LYPLAL1: variants seen among roughly 807,000 people sequenced by gnomAD.
The protein encoded by LYPLAL1 is lysophospholipase like 1.
In LYPLAL1, 23 loss-of-function variants were observed where a neutral mutation model predicts 19.7. The observed-to-expected ratio is 1.17, with a 90% CI of 0.84 to 1.65. The LOEUF is 1.65. Ranked by LOEUF, LYPLAL1 falls within the 40% of genes most tolerant of loss-of-function variation. The probability of loss-of-function intolerance (pLI) is 0.00; values close to 1 mark genes in which losing one functional copy is unlikely to be tolerated. For missense variants in LYPLAL1, 355 were observed against 279.4 expected (o/e 1.27, Z -1.93); for synonymous variants, 119 against 96.3 (o/e 1.24, Z -1.38).
At chr1:219,295,436 TAA>T in the LYPLAL1 span, among the ~76,000 whole-genome samples, 10 of 152,162 alleles carry the variant, frequency 6.6e-5, no homozygotes, top group East Asian at 1.9e-3. Flanking sequence ...CATGAATTAG[TAA>T]AGAGAGATAT....
rs554690082 is a variant in LYPLAL1, at chr1:219,212,320, T to C, written c.*592T>C. 1.1e-4 allele frequency: 17 copies of C among 152,196 alleles called. No individual in the cohort carries two copies. The highest frequency in any genetic ancestry group is 3.6e-4 in the African/African-American group (15 of 41,558). The allele number at this position is 152,196 out of a possible 1,614,324, so 9.4% of individuals were successfully genotyped here. Reference sequence around the variant, plus strand: ...ATTCTCAGTGGAGCTCTATTTCTGTTAACCCAAATTGCTGCTCTGTTTTAG... The same window carrying C: ...ATTCTCAGTGGAGCTCTATTTCTGTCAACCCAAATTGCTGCTCTGTTTTAG... On this transcript the variant is annotated 3_prime_UTR_variant, in exon 5 of 5. Coordinates refer to ENST00000366928, the MANE Select transcript of LYPLAL1 (RefSeq NM_138794.5).
chr1:219,308,700 G>A, the LYPLAL1 span, among the ~76,000 whole-genome samples: 3 of 152,174 alleles, frequency 2.0e-5, no homozygotes, highest in African/African-American at 7.2e-5. Context: ...CAGAAGTCAA[G>A]AATTGGGTTT....
the LYPLAL1 span, among the ~76,000 whole-genome samples, chr1:219,406,644 G>C: frequency 1.3e-5 from 2 of 152,130 alleles, no homozygotes; most frequent in East Asian, 3.8e-4. Flanking sequence ...AAAACAATTT[G>C]TGTTTGTTTG....
At chr1:219,425,181 C>T in the LYPLAL1 span, among the ~76,000 whole-genome samples, 25 of 152,222 alleles carry the variant, frequency 1.6e-4, no homozygotes, top group African/African-American at 6.0e-4. Context: ...GCAAGGGGCT[C>T]CTTTCAGGCC....
chr1:219,234,771 G>A, the LYPLAL1 span, among the ~76,000 whole-genome samples: 1 of 151,922 alleles, frequency 6.6e-6, no homozygotes, highest in Non-Finnish European at 1.5e-5. Context: ...TTGCTGACCT[G>A]GTATTTTTAT....
At chr1:219,259,334 A>T in the LYPLAL1 span, among the ~76,000 whole-genome samples, 3 of 151,098 alleles carry the variant, frequency 2.0e-5, no homozygotes, top group East Asian at 5.8e-4. Flanking sequence ...AGCACAATTC[A>T]CAATTGCAAA....
the LYPLAL1 span, among the ~76,000 whole-genome samples, chr1:219,366,781 A>C: frequency 6.6e-6 from 1 of 152,110 alleles, no homozygotes; most frequent in Non-Finnish European, 1.5e-5. Context: ...AAAGAAAAGG[A>C]TAACATATAC....
At chr1:219,293,643 G>A in the LYPLAL1 span, among the ~76,000 whole-genome samples, 2 of 152,198 alleles carry the variant, frequency 1.3e-5, no homozygotes, top group South Asian at 2.1e-4. Flanking sequence ...TACAAAACAC[G>A]AAACAGCATT....
At chr1:219,416,389 T>G in the LYPLAL1 span, among the ~76,000 whole-genome samples, 1 of 152,164 alleles carries the variant, frequency 6.6e-6, no homozygotes, top group African/African-American at 2.4e-5. Flanking sequence ...CTCATGATTT[T>G]GGTGCAGGAC....
At chr1:219,376,377 C>A in the LYPLAL1 span, among the ~76,000 whole-genome samples, 1 of 152,054 alleles carries the variant, frequency 6.6e-6, no homozygotes, top group Non-Finnish European at 1.5e-5. Context: ...AATTATAAAA[C>A]CCTTAGAAGA....
intron 2 of LYPLAL1, among the ~76,000 whole-genome samples, chr1:219,191,610 A>C (rs918182657): frequency 1.3e-5 from 2 of 151,634 alleles, no homozygotes. Context: ...TATATTTCAG[A>C]TCATTTACAC....
At chr1:219,270,047 A>G in the LYPLAL1 span, among the ~76,000 whole-genome samples, 1 of 152,252 alleles carries the variant, frequency 6.6e-6, no homozygotes, top group East Asian at 1.9e-4. Flanking sequence ...TTAGATATTG[A>G]TGATGGAAAA....
At chr1:219,303,481 A>G in the LYPLAL1 span, among the ~76,000 whole-genome samples, 1 of 152,232 alleles carries the variant, frequency 6.6e-6, no homozygotes, top group Non-Finnish European at 1.5e-5. Context: ...GCCATGGAGC[A>G]GATGATCTGC....
At chr1:219,190,345 C>T (rs1485534908) in intron 2 of LYPLAL1, among the ~76,000 whole-genome samples, 1 of 151,376 alleles carries the variant, frequency 6.6e-6, no homozygotes, top group Non-Finnish European at 1.5e-5. Context: ...TTCCTCCTTT[C>T]CTCCCTTTCT....
At chr1:219,194,745 G>A (rs1027222463) in intron 3 of LYPLAL1, among the ~76,000 whole-genome samples, 32 of 152,076 alleles carry the variant, frequency 2.1e-4, no homozygotes, top group African/African-American at 7.7e-4. Flanking sequence ...AGAGGAAGAA[G>A]TAGTCACATG....
the LYPLAL1 span, among the ~76,000 whole-genome samples, chr1:219,327,746 C>G: frequency 6.6e-6 from 1 of 152,092 alleles, no homozygotes; most frequent in Admixed American, 6.5e-5. Context: ...ATACTATTCT[C>G]TTAGTAGTAA....
At chr1:219,356,516 G>A in the LYPLAL1 span, among the ~76,000 whole-genome samples, 1 of 151,964 alleles carries the variant, frequency 6.6e-6, no homozygotes, top group South Asian at 2.1e-4. Context: ...AACAACAAAA[G>A]GGAAAATAGA....
At chr1:219,356,171 TTAAA>T in the LYPLAL1 span, among the ~76,000 whole-genome samples, 2 of 151,984 alleles carry the variant, frequency 1.3e-5, no homozygotes, top group Non-Finnish European at 2.9e-5. Context: ...AAAAGAAAAT[TTAAA>T]TAAATAAATA....
At chr1:219,268,948 A>G in the LYPLAL1 span, among the ~76,000 whole-genome samples, 1 of 152,204 alleles carries the variant, frequency 6.6e-6, no homozygotes, top group Non-Finnish European at 1.5e-5. Flanking sequence ...CTGTGAAGTA[A>G]TTGTTTATTC....
Sources: gnomAD v4.1 joint callset for allele counts (sites outside exome capture counted in the v4.1 genomes callset) on GRCh38, gnomAD v4.1.1 for gene constraint, MANE v1.5 for transcripts, NCBI Gene and HGNC (gene_info 2026-07-23, HGNC 2026-07-21) for gene names.